FSD1: variants seen among roughly 807,000 people sequenced by gnomAD.
FSD1 encodes the protein fibronectin type III and SPRY domain-containing protein 1.
A neutral mutation model predicts 58.2 loss-of-function variants in FSD1; 23 were observed. That is an observed-to-expected ratio of 0.40 (90% CI 0.28 to 0.56). The LOEUF is 0.56. Ranked by LOEUF, FSD1 falls within the 20% of genes least tolerant of loss-of-function variation. The pLI is 0.54. For missense variants in FSD1, 563 were observed against 670.8 expected, an observed-to-expected ratio of 0.84 and a Z score of 1.78; for synonymous variants, 265 against 263.4, an observed-to-expected ratio of 1.01 and a Z score of -0.06.
Position 4,305,213 on chromosome 19 carries a change from C to T in FSD1, c.15+452C>T, listed in dbSNP as rs1971604883. Among the ~76,000 whole-genome samples, 4 of 150,212 alleles carry T rather than the reference C, an allele frequency of 2.7e-5. No homozygotes were observed. In the South Asian group the frequency reaches 8.6e-4, roughly 32 times the overall value. ...GATCCTCCCTCCCAGAATCCCCTGCCCTTCCCCAAGACCTCCCTGCCCCCT... is the reference window on the plus strand; with the variant it reads ...GATCCTCCCTCCCAGAATCCCCTGCTCTTCCCCAAGACCTCCCTGCCCCCT... On this transcript the variant is annotated intron_variant, in intron 1 of 12. Transcript: ENST00000221856.
intron 7 of FSD1, among the ~76,000 whole-genome samples, chr19:4,315,967 T>C (rs1971751228): frequency 6.6e-6 from 1 of 151,926 alleles, no homozygotes; most frequent in Admixed American, 6.6e-5. Flanking sequence ...AGTTTCACCA[T>C]GCTGGCCAGG....
intron 6 of FSD1, chr19:4,311,639 G>A (rs1292557377): frequency 1.3e-5 from 7 of 545,846 alleles, no homozygotes; most frequent in Admixed American, 9.4e-5. Flanking sequence ...AGCCAAGATC[G>A]TGCCACTGCA....
In FSD1 at chr19:4,323,303, C is replaced by T. The variant is rs760741886; in HGVS notation, c.1292-45C>T. Reference sequence around the variant, plus strand: ...CTGAGTCCCCTCCGTCTGCCCCCATCCCACTTCTGACCGGTCCCACTGTCA... The same window carrying T: ...CTGAGTCCCCTCCGTCTGCCCCCATTCCACTTCTGACCGGTCCCACTGTCA... On this transcript the variant is annotated intron_variant, in intron 11 of 12. Transcript: ENST00000221856. The surrounding 1 kb of genome is among the most constrained non-coding windows in gnomAD (Gnocchi z 7.7). 1.9e-6 allele frequency: 3 copies of T among 1,609,452 alleles called. No homozygotes were observed. Among genetic ancestry groups the T allele is most frequent in the Non-Finnish European group, 2.5e-6 (3 of 1,177,832 alleles).
rs138218709 is a variant in FSD1 at position 4,323,558 on chromosome 19, C to T, written c.1406C>T (p.Thr469Met). 297 of 1,612,564 alleles carry T rather than the reference C, an allele frequency of 1.8e-4. No homozygotes were observed. Among genetic ancestry groups the T allele is most frequent in the Non-Finnish European group, 1.1e-4 (127 of 1,179,354 alleles). Reference protein sequence around the residue: ...FTVWCGSFQVTTGLQVPSAVR... With the variant: ...FTVWCGSFQVMTGLQVPSAVR... ...GTATGGTGTGGCAGCTTCCAGGTGACGACAGGCCTGCAGGTCCCCAGTGCT... is the reference window on the plus strand; with the variant it reads ...GTATGGTGTGGCAGCTTCCAGGTGATGACAGGCCTGCAGGTCCCCAGTGCT... Residue 469 changes from threonine (T) to methionine (M), a missense_variant, in exon 13 of 13, where the codon ACG becomes ATG. Coordinates refer to ENST00000221856, the MANE Select transcript of FSD1 (RefSeq NM_024333.3). The surrounding 1 kb of genome is among the most constrained non-coding windows in gnomAD (Gnocchi z 7.7).
intron 7 of FSD1, among the ~76,000 whole-genome samples, chr19:4,313,137 C>T (rs1007592794): frequency 6.6e-6 from 1 of 150,632 alleles, no homozygotes; most frequent in African/African-American, 2.4e-5. Flanking sequence ...TGCTTGAGGC[C>T]AGGAGCTGGA....
chr19:4,319,771 A>G (rs554275980), intron 10 of FSD1, among the ~76,000 whole-genome samples: 1 of 152,146 alleles, frequency 6.6e-6, no homozygotes, highest in African/African-American at 2.4e-5. Context: ...AAGGACCTGG[A>G]TAATTTGTGG....
Position 4,316,028 on chromosome 19 carries a change from A to T in FSD1, c.701-1154A>T, listed in dbSNP as rs574477891. On this transcript the variant is annotated intron_variant, in intron 7 of 12. Coordinates refer to ENST00000221856, the MANE Select transcript of FSD1 (RefSeq NM_024333.3). ...GGTTCCTCCTGCCTCCACCTCCCAG[A>T]TGTGCTGGGATTACAGGCGTGAGCC... is the stretch of plus-strand genomic sequence containing the variant. 2.6e-5 allele frequency among the ~76,000 whole-genome samples: 4 copies of T among 151,620 alleles called. No individual in the cohort carries two copies. The East Asian group carries it at 7.8e-4, about 30-fold the overall frequency.
intron 7 of FSD1, among the ~76,000 whole-genome samples, chr19:4,312,627 T>C (rs1482558304): frequency 6.6e-6 from 1 of 150,746 alleles, no homozygotes; most frequent in Non-Finnish European, 1.5e-5. Flanking sequence ...CACGGTGAAA[T>C]ACTGTATCTA....
At chr19:4,316,673 T>C (rs1268068077) in intron 7 of FSD1, among the ~76,000 whole-genome samples, 2 of 151,734 alleles carry the variant, frequency 1.3e-5, no homozygotes, top group East Asian at 3.9e-4. Context: ...GGGTTGGAGG[T>C]GGAGTCAAGT....
chr19:4,313,798 G>T (rs1206242648), intron 7 of FSD1, among the ~76,000 whole-genome samples: 1 of 151,860 alleles, frequency 6.6e-6, no homozygotes, highest in Non-Finnish European at 1.5e-5. Context: ...GGCTGAGGTG[G>T]GTGGATCACT....
chr19:4,308,456 C>A (rs1470095640), intron 4 of FSD1, among the ~76,000 whole-genome samples: 2 of 152,014 alleles, frequency 1.3e-5, no homozygotes, highest in Non-Finnish European at 2.9e-5. Context: ...GGTGCAGTGG[C>A]TCATGCCTGT....
At chr19:4,316,804 G>A (rs140748734) in intron 7 of FSD1, among the ~76,000 whole-genome samples, 36 of 152,072 alleles carry the variant, frequency 2.4e-4, no homozygotes, top group African/African-American at 8.0e-4. Flanking sequence ...AGGCTGGAGT[G>A]CAATGGCATG....
At chr19:4,315,135 CT>C (rs966001314) in intron 7 of FSD1, among the ~76,000 whole-genome samples, 7 of 147,482 alleles carry the variant, frequency 4.7e-5, no homozygotes, top group Non-Finnish European at 1.0e-4. Context: ...TTTCTTTTTT[CT>C]TTTTTTTGAG....
At chr19:4,315,301 A>ATT (rs1219053251) in intron 7 of FSD1, among the ~76,000 whole-genome samples, 3,081 of 79,428 alleles carry the variant, frequency 0.039, 114 homozygotes, top group African/African-American at 0.06. Flanking sequence ...CGCCTGGTTA[A>ATT]TTTTTTTTTT....
rs761135570 is a variant in FSD1, at chr19:4,307,968, C to T, written c.330C>T (p.Ser110=). The T allele has an allele frequency of 3.3e-5, 53 of 1,613,410 alleles. No individual in the cohort carries two copies. The highest frequency in any genetic ancestry group is 1.7e-4 in the Admixed American group (10 of 59,958). The change falls in exon 4 of 13, where the codon AGC becomes AGT. Residue 110 remains serine (S), a synonymous_variant. Transcript: ENST00000221856. ...ACCAGACTCTGCAGGCCATGGACAGCGAGGACTTTCCTCAGGTGGGTGCCT... is the reference window on the plus strand; with the variant it reads ...ACCAGACTCTGCAGGCCATGGACAGTGAGGACTTTCCTCAGGTGGGTGCCT... The part of the protein sequence containing the change: ...TANQTLQAMD[S]EDFPQAAKQI...
In FSD1 at chr19:4,310,257, C is replaced by T; in HGVS notation, c.346-16C>T. 1 of 1,614,040 alleles carries T rather than the reference C, an allele frequency of 6.2e-7. No homozygotes were observed. The highest frequency in any genetic ancestry group is 8.5e-7 in the Non-Finnish European group (1 of 1,179,904). ...AAAAAAGAAATCTTTGAATGTTGTT[C>T]TGTTCCTCTCTCTAGGCTGCCAAGC... On this transcript the variant is annotated splice_polypyrimidine_tract_variant and intron_variant, in intron 4 of 12. Transcript: ENST00000221856.
rs769742546 is a variant in FSD1, at chr19:4,307,845, G to A, written c.244-37G>A. ...CCCTCAGGGGGCCTGAGGCAGTGGG[G>A]TGAGTTGTCCCCTCCTTTGGTGCCT... On this transcript the variant is annotated intron_variant, in intron 3 of 12. Transcript: ENST00000221856. 16 of 1,535,992 alleles carry A rather than the reference G, an allele frequency of 1.0e-5. No individual in the cohort carries two copies. The South Asian group carries it at 1.7e-4, about 16-fold the overall frequency.
rs761225638 is a variant in FSD1 at position 4,307,884 on chromosome 19, C to A, written c.246C>A (p.Asn82Lys). ...DRASRTYELQ[N>K]QLAACTRALE... The stretch of plus-strand genomic sequence containing the variant: ...CCTTTGGTGCCTGGTATCCACAGAA[C>A]CAGCTGGCTGCCTGCACGCGGGCCC... Residue 82 changes from asparagine to lysine, a missense_variant and splice_region_variant, in exon 4 of 13, where the codon AAC becomes AAA. Transcript: ENST00000221856. 1.2e-6 allele frequency: 2 copies of A among 1,612,774 alleles called. No individual in the cohort carries two copies.
intron 7 of FSD1, 68 bp from the exon 8 acceptor site, chr19:4,317,114 G>A: frequency 1.1e-6 from 1 of 899,220 alleles, no homozygotes; most frequent in South Asian, 1.3e-5. Flanking sequence ...GGACATGACA[G>A]CTTTAACCCA....
Sources: allele counts gnomAD v4.1 joint callset (sites outside exome capture counted in the v4.1 genomes callset), GRCh38; gene constraint gnomAD v4.1.1; non-coding constraint Gnocchi (gnomAD v3.1); transcripts MANE v1.5; gene names NCBI Gene and HGNC (gene_info 2026-07-23, HGNC 2026-07-21).